DLC1: variants seen among roughly 807,000 people sequenced by gnomAD.
DLC1 encodes the protein rho GTPase-activating protein 7.
Under a neutral mutation model 140.3 loss-of-function variants are expected in DLC1, and 54 were observed. The ratio of observed to expected loss-of-function variants is 0.38; its 90% CI spans 0.31 to 0.48. The LOEUF is 0.48. Ranked by LOEUF, DLC1 falls within the 20% of genes least tolerant of loss-of-function variation. DLC1 has a pLI of 0.96. For synonymous variants in DLC1, 986 were observed against 728.1 expected (o/e 1.35, Z -5.70); for missense variants, 2,536 against 1,907.0 (o/e 1.33, Z -6.14).
chr8:13,457,352 A>G (rs1413122816), intron 2 of DLC1, among the ~76,000 whole-genome samples: 1 of 152,194 alleles, frequency 6.6e-6, no homozygotes, highest in African/African-American at 2.4e-5. Flanking sequence ...TAATGCCTGG[A>G]AAATTCTTAG....
At chr8:13,569,166 T>C (rs997557568) in intron 1 of DLC1, among the ~76,000 whole-genome samples, 1 of 152,200 alleles carries the variant, frequency 6.6e-6, no homozygotes. Context: ...AAGCCATTTA[T>C]TATCTATTTC....
intron 1 of DLC1, chr8:13,567,567 G>A (rs781343384): frequency 7.5e-5 from 116 of 1,551,660 alleles, no homozygotes; most frequent in African/African-American, 4.1e-5. Context: ...CAGCAGCTAA[G>A]CAACACATAT....
intron 2 of DLC1, among the ~76,000 whole-genome samples, chr8:13,471,102 TAGTG>T (rs747772995): frequency 2.0e-5 from 3 of 150,742 alleles, no homozygotes; most frequent in Admixed American, 6.6e-5. Context: ...TTCATAGAAA[TAGTG>T]AGTAGAATGG....
intron 14 of DLC1, 79 bp from the exon 15 acceptor site, chr8:13,090,549 G>A: frequency 6.5e-7 from 1 of 1,528,406 alleles, no homozygotes; most frequent in East Asian, 2.3e-5. Flanking sequence ...AAAAGACTGG[G>A]TAGGAACAAT....
intron 1 of DLC1, among the ~76,000 whole-genome samples, chr8:13,571,249 G>T (rs1377813405): frequency 6.6e-6 from 1 of 151,956 alleles, no homozygotes; most frequent in Non-Finnish European, 1.5e-5. Flanking sequence ...CACTTGAACT[G>T]TTATTAATAG....
chr8:13,594,515 C>G (rs1157823349), intron 1 of DLC1, among the ~76,000 whole-genome samples: 1 of 152,118 alleles, frequency 6.6e-6, no homozygotes, highest in Non-Finnish European at 1.5e-5. Flanking sequence ...GAGAATACCA[C>G]AAGTCTGGGC....
At chr8:13,207,678 G>A (rs1281192225) in intron 5 of DLC1, among the ~76,000 whole-genome samples, 2 of 152,084 alleles carry the variant, frequency 1.3e-5, no homozygotes, top group Non-Finnish European at 2.9e-5. Context: ...TTCTCAGTTG[G>A]AGTGATCTTT....
At chr8:13,142,800 A>G (rs966646809) in intron 5 of DLC1, among the ~76,000 whole-genome samples, 1 of 152,234 alleles carries the variant, frequency 6.6e-6, no homozygotes, top group Non-Finnish European at 1.5e-5. Flanking sequence ...CTGTAATCCC[A>G]GCACTTTGGG....
chr8:13,555,425 A>G (rs955674584), intron 1 of DLC1, among the ~76,000 whole-genome samples: 1 of 152,184 alleles, frequency 6.6e-6, no homozygotes, highest in African/African-American at 2.4e-5. Flanking sequence ...TTGTGGAGGA[A>G]CAGAGTGAAA....
chr8:13,479,096 A>G (rs548591193), intron 2 of DLC1, among the ~76,000 whole-genome samples: 7 of 152,256 alleles, frequency 4.6e-5, no homozygotes, highest in South Asian at 2.1e-4. Context: ...TTACTGTTTT[A>G]TTTTATGCTT....
rs543266773 is a variant in DLC1 at position 13,319,069 on chromosome 8, G to C, written c.1315-13767C>G. On this transcript the variant is annotated intron_variant, in intron 4 of 17. Coordinates refer to ENST00000276297, the MANE Select transcript of DLC1 (RefSeq NM_182643.3). ...CAGACCTGGAATTCTTCATCAATCA[G>C]CAGTGATGCTAACGGGTCTATTTAT... Among the ~76,000 whole-genome samples, 3 of 152,250 alleles carry C rather than the reference G, an allele frequency of 2.0e-5. No homozygotes were observed. In the South Asian group the frequency reaches 6.2e-4, roughly 32 times the overall value.
chr8:13,391,327 T>G (rs1836752109), intron 4 of DLC1, among the ~76,000 whole-genome samples: 1 of 152,222 alleles, frequency 6.6e-6, no homozygotes, highest in African/African-American at 2.4e-5. Context: ...TAGAAAGCTC[T>G]GCTTGTATTC....
intron 1 of DLC1, among the ~76,000 whole-genome samples, chr8:13,598,880 G>A (rs904558062): frequency 1.3e-5 from 2 of 151,740 alleles, no homozygotes; most frequent in Non-Finnish European, 2.9e-5. Context: ...GTTGAGTCAT[G>A]TTAAAATGTC....
intron 2 of DLC1, among the ~76,000 whole-genome samples, chr8:13,405,778 T>C (rs1837501730): frequency 6.6e-6 from 1 of 151,926 alleles, no homozygotes; most frequent in African/African-American, 2.4e-5. Flanking sequence ...TGAAGTCGTC[T>C]TGCCCTCTTT....
At chr8:13,358,667 T>G (rs543278741) in intron 4 of DLC1, among the ~76,000 whole-genome samples, 3 of 149,888 alleles carry the variant, frequency 2.0e-5, no homozygotes, top group Admixed American at 1.3e-4. Flanking sequence ...CTCAAAAATA[T>G]AACATTTCTG....
At chr8:13,576,773 G>T (rs1213943002) in intron 1 of DLC1, among the ~76,000 whole-genome samples, 2 of 152,170 alleles carry the variant, frequency 1.3e-5, no homozygotes, top group Non-Finnish European at 2.9e-5. Context: ...GCTGGAGAAA[G>T]TTGGACGTGG....
intron 8 of DLC1, among the ~76,000 whole-genome samples, chr8:13,101,649 C>T (rs1156733171): frequency 3.9e-5 from 6 of 152,282 alleles, no homozygotes; most frequent in Non-Finnish European, 8.8e-5. Flanking sequence ...AGTACCTTTT[C>T]TTCCCCTCCC....
At chr8:13,516,042 G>T (rs558742320), upstream of DLC1, among the ~76,000 whole-genome samples, 1 of 152,212 alleles carries the variant, frequency 6.6e-6, no homozygotes, top group South Asian at 2.1e-4. Flanking sequence ...TTTATACCAG[G>T]GAAGCAGGAA....
chr8:13,585,237 A>C (rs1033393462), intron 1 of DLC1, among the ~76,000 whole-genome samples: 2 of 152,156 alleles, frequency 1.3e-5, no homozygotes, highest in African/African-American at 2.4e-5. Context: ...CCCCTGAGCA[A>C]AGTCTTCATG....
Sources: gnomAD v4.1 joint callset for allele counts (sites outside exome capture counted in the v4.1 genomes callset) on GRCh38, gnomAD v4.1.1 for gene constraint, MANE v1.5 for transcripts, NCBI Gene and HGNC (gene_info 2026-07-23, HGNC 2026-07-21) for gene names.